Variants in ARID4B observed in about 807,000 individuals in gnomAD.
ARID4B encodes the protein AT-rich interactive domain-containing protein 4B.
In ARID4B, 26 loss-of-function variants were observed where a neutral mutation model predicts 147.5. That is an observed-to-expected ratio of 0.18 (90% CI 0.13 to 0.24). ARID4B has a LOEUF of 0.24. Among genes scored for constraint, ARID4B ranks in the 10% least tolerant of loss-of-function variants. The pLI, the probability that ARID4B is intolerant of heterozygous loss-of-function variation, is 1.00. For missense variants in ARID4B, 1,179 were observed against 1,511.5 expected (o/e 0.78, Z 3.65); for synonymous variants, 512 against 507.9 (o/e 1.01, Z -0.11).
intron 2 of ARID4B, among the ~76,000 whole-genome samples, chr1:235,267,114 C>G (rs1285566559): frequency 2.0e-5 from 3 of 152,082 alleles, no homozygotes; most frequent in Non-Finnish European, 4.4e-5. Flanking sequence ...CCCGTCTCTA[C>G]CAGAAATACA....
At chr1:235,196,868 A>C (rs531698583) in intron 17 of ARID4B, among the ~76,000 whole-genome samples, 1 of 151,490 alleles carries the variant, frequency 6.6e-6, no homozygotes, top group South Asian at 2.1e-4. Flanking sequence ...AAAAAAAAAA[A>C]AAAGAAATAA....
At chr1:235,169,210 TCTCA>T (rs1332663719) in intron 23 of ARID4B, among the ~76,000 whole-genome samples, 3 of 152,184 alleles carry the variant, frequency 2.0e-5, no homozygotes, top group African/African-American at 4.8e-5. Context: ...AGAGGAAGTC[TCTCA>T]CTGTTTCCTT....
intron 2 of ARID4B, among the ~76,000 whole-genome samples, chr1:235,273,585 G>A (rs1671127286): frequency 6.6e-6 from 1 of 152,172 alleles, no homozygotes; most frequent in African/African-American, 2.4e-5. Context: ...TGTAGAAAAT[G>A]TATACTTGTA....
At chr1:235,316,015 A>G (rs1558308840) in intron 2 of ARID4B, among the ~76,000 whole-genome samples, 1 of 151,606 alleles carries the variant, frequency 6.6e-6, no homozygotes, top group Non-Finnish European at 1.5e-5. Context: ...CTCTGATCTC[A>G]TAAATTAAAT....
At position 235,220,592 on chromosome 1, in the gene ARID4B, A is replaced by T. The variant is rs368756063; in HGVS notation, c.1164-47T>A. The stretch of plus-strand genomic sequence containing the variant: ...ACATTTGGTGAAAACATTTCAAAAT[A>T]TAACTATAGAGTTATTTTTAATGTG... On this transcript the variant is annotated intron_variant, in intron 14 of 23. Transcript: ENST00000264183. 5.7e-6 allele frequency: 8 copies of T among 1,413,696 alleles called. No individual in the cohort carries two copies. In the East Asian group the frequency reaches 1.9e-4, roughly 34 times the overall value. The allele number at this position is 1,413,696 out of a possible 1,614,324, so 87.6% of individuals were successfully genotyped here.
intron 16 of ARID4B, 47 bp downstream of exon 16, chr1:235,219,746 G>C: frequency 1.4e-6 from 2 of 1,436,962 alleles, no homozygotes; most frequent in African/African-American, 2.9e-5. Context: ...CAAATGATAA[G>C]AATCCATCAA....
At chr1:235,220,192 A>T (rs1667360269) in intron 15 of ARID4B, 110 bp downstream of exon 15, 1 of 837,584 alleles carries the variant, frequency 1.2e-6, no homozygotes, top group African/African-American at 1.7e-5. Flanking sequence ...TGAAGAAAAT[A>T]AACAAATAAT....
At chr1:235,305,508 G>A (rs1434077061) in intron 2 of ARID4B, among the ~76,000 whole-genome samples, 1 of 152,140 alleles carries the variant, frequency 6.6e-6, no homozygotes, top group African/African-American at 2.4e-5. Context: ...ATTAGTAGGA[G>A]CTCTGGTTTG....
At chr1:235,303,226 G>A (rs1012289447) in intron 2 of ARID4B, among the ~76,000 whole-genome samples, 4 of 152,118 alleles carry the variant, frequency 2.6e-5, no homozygotes, top group Admixed American at 6.6e-5. Flanking sequence ...CCCGGCCAGA[G>A]AGTTTATATT....
chr1:235,308,207 C>T (rs1673717826), intron 2 of ARID4B, among the ~76,000 whole-genome samples: 1 of 150,252 alleles, frequency 6.7e-6, no homozygotes, highest in Admixed American at 6.7e-5. Flanking sequence ...TCAGGCACTT[C>T]TCCTGTCTCA....
At chr1:235,279,869 T>G (rs1260737041) in intron 2 of ARID4B, among the ~76,000 whole-genome samples, 1 of 152,198 alleles carries the variant, frequency 6.6e-6, no homozygotes, top group Non-Finnish European at 1.5e-5. Flanking sequence ...GTTGTAACAT[T>G]TCATGTTGTC....
intron 17 of ARID4B, among the ~76,000 whole-genome samples, chr1:235,209,547 G>C (rs1370059256): frequency 1.4e-5 from 2 of 144,046 alleles, no homozygotes; most frequent in Non-Finnish European, 3.0e-5. Context: ...CAAGAAAATT[G>C]ATTTTTTTGT....
At chr1:235,248,706 TAAG>T (rs551030182) in intron 6 of ARID4B, among the ~76,000 whole-genome samples, 2 of 152,188 alleles carry the variant, frequency 1.3e-5, no homozygotes, top group Non-Finnish European at 2.9e-5. Context: ...AATTTTCAAA[TAAG>T]AGACCACAGT....
At chr1:235,256,624 A>C (rs549262135) in intron 4 of ARID4B, among the ~76,000 whole-genome samples, 1 of 152,338 alleles carries the variant, frequency 6.6e-6, no homozygotes, top group South Asian at 2.1e-4. Context: ...GATGACCCTT[A>C]AAAGATTTCA....
chr1:235,316,159 C>T lies in ARID4B; in HGVS notation c.6+10755G>A, dbSNP rs369546482. 2.6e-5 allele frequency among the ~76,000 whole-genome samples: 4 copies of T among 152,222 alleles called. No individual in the cohort carries two copies. In the South Asian group the frequency reaches 8.3e-4, roughly 32 times the overall value. On this transcript the variant is annotated intron_variant, in intron 2 of 23. Transcript: ENST00000264183. ...GTTATAAATTTAAAAAATTCAAATT[C>T]TTCTTAGGAATTCAACGAGGTAAAC... is the stretch of plus-strand genomic sequence containing the variant.
At chr1:235,236,833 A>AAAAAAAATATATATAT (rs1175189621) in intron 8 of ARID4B, among the ~76,000 whole-genome samples, 1 of 33,520 alleles carries the variant, frequency 3.0e-5, no homozygotes. Context: ...TTTTATAAAA[A>AAAAAAAATATATATAT]ATATATATAT....
At chr1:235,326,867 C>A (rs748742224) in intron 2 of ARID4B, 47 bp downstream of exon 2, 3 of 1,611,478 alleles carry the variant, frequency 1.9e-6, no homozygotes, top group Admixed American at 1.7e-5. Context: ...CCTCCTACTT[C>A]CTGAATTCGA....
At chr1:235,236,863 T>TATATATATATA (rs1491159347) in intron 8 of ARID4B, among the ~76,000 whole-genome samples, 4 of 17,910 alleles carry the variant, frequency 2.2e-4, no homozygotes, top group Admixed American at 9.1e-4. Flanking sequence ...TATATATATA[T>TATATATATATA]TTTTTTTTTT....
chr1:235,300,773 G>C (rs779275097), intron 2 of ARID4B, among the ~76,000 whole-genome samples: 1 of 151,988 alleles, frequency 6.6e-6, no homozygotes, highest in Non-Finnish European at 1.5e-5. Context: ...GCAGTGGCAC[G>C]ATCTCAGCTC....
Sources: gnomAD v4.1 joint callset for allele counts (sites outside exome capture counted in the v4.1 genomes callset) on GRCh38, gnomAD v4.1.1 for gene constraint, MANE v1.5 for transcripts, NCBI Gene and HGNC (gene_info 2026-07-23, HGNC 2026-07-21) for gene names.